Variants in RIPOR2 observed in about 807,000 individuals in gnomAD.
RIPOR2 encodes the protein rho family-interacting cell polarization regulator 2.
In RIPOR2, 39 loss-of-function variants were observed where a neutral mutation model predicts 114.5. The ratio of observed to expected loss-of-function variants is 0.34; its 90% CI spans 0.26 to 0.44. The LOEUF (loss-of-function observed/expected upper bound fraction) is 0.44. RIPOR2 is among the 20% of genes least tolerant of loss of function. RIPOR2 has a pLI of 1.00. For missense variants in RIPOR2, 1,007 were observed against 1,255.1 expected (o/e 0.80, Z 2.99); for synonymous variants, 445 against 484.4 (o/e 0.92, Z 1.07).
intron 15 of RIPOR2, among the ~76,000 whole-genome samples, chr6:24,833,366 T>C (rs963638281): frequency 1.3e-5 from 2 of 152,000 alleles, no homozygotes; most frequent in Non-Finnish European, 2.9e-5. Context: ...CCAGGCGTGG[T>C]GGTGCAGGCC....
intron 13 of RIPOR2, among the ~76,000 whole-genome samples, chr6:24,841,428 A>G (rs1761702393): frequency 6.6e-6 from 1 of 152,116 alleles, no homozygotes. Flanking sequence ...TATGCCATCA[A>G]CTGAACTATC....
chr6:24,999,848 G>A (rs1298788559), intron 1 of RIPOR2, among the ~76,000 whole-genome samples: 3 of 152,196 alleles, frequency 2.0e-5, no homozygotes, highest in Non-Finnish European at 2.9e-5. Flanking sequence ...GAGCTACCGC[G>A]CCCAGCCCTG....
At position 24,840,706 on chromosome 6, in the gene RIPOR2, A is replaced by G. The variant is rs561214134; in HGVS notation, c.1858-1434T>C. On this transcript the variant is annotated intron_variant, in intron 13 of 21. Transcript: ENST00000643898. ...CGGTCTTTTAAATCACAGTTGTCTCATTCACCCTCAGTGATCTCCGTCCAA... is the reference window on the plus strand; with the variant it reads ...CGGTCTTTTAAATCACAGTTGTCTCGTTCACCCTCAGTGATCTCCGTCCAA... 22 of 1,535,272 alleles carry G rather than the reference A, an allele frequency of 1.4e-5. No individual in the cohort carries two copies. The Admixed American group carries it at 2.2e-4, about 15-fold the overall frequency.
chr6:25,041,074 A>G (rs755051184), intron 1 of RIPOR2, among the ~76,000 whole-genome samples: 1 of 152,180 alleles, frequency 6.6e-6, no homozygotes, highest in Non-Finnish European at 1.5e-5. Flanking sequence ...ATTTATCATC[A>G]TGCTTTCACT....
At chr6:24,855,273 A>G (rs1177348555) in intron 8 of RIPOR2, among the ~76,000 whole-genome samples, 1 of 152,182 alleles carries the variant, frequency 6.6e-6, no homozygotes, top group Non-Finnish European at 1.5e-5. Context: ...AAAAGATCAC[A>G]TACCTTGGCA....
intron 1 of RIPOR2, among the ~76,000 whole-genome samples, chr6:24,966,179 G>A (rs1053530140): frequency 1.3e-5 from 2 of 152,156 alleles, no homozygotes; most frequent in African/African-American, 4.8e-5. Flanking sequence ...ATCTGAGCCT[G>A]TCCTCACTTT....
At chr6:24,911,072 G>A in intron 1 of RIPOR2, 1 of 713,068 alleles carries the variant, frequency 1.4e-6, no homozygotes, top group Non-Finnish European at 1.7e-6. Flanking sequence ...TGGCGGGCGC[G>A]AGGGTGGCGG....
At chr6:25,014,020 G>A (rs894892137) in intron 1 of RIPOR2, among the ~76,000 whole-genome samples, 15 of 152,120 alleles carry the variant, frequency 9.9e-5, no homozygotes, top group African/African-American at 3.4e-4. Flanking sequence ...TTGGGTTTTT[G>A]GATGATTCTC....
At chr6:24,819,948 AAG>A (rs1471923199) in intron 19 of RIPOR2, among the ~76,000 whole-genome samples, 1 of 152,126 alleles carries the variant, frequency 6.6e-6, no homozygotes, top group Non-Finnish European at 1.5e-5. Context: ...TGAGGGTGGA[AAG>A]AGAGGACTAA....
chr6:25,031,090 C>T (rs905867225), intron 1 of RIPOR2: 4 of 152,246 alleles, frequency 2.6e-5, no homozygotes, highest in Non-Finnish European at 5.9e-5. Flanking sequence ...TTTTTACCTG[C>T]TCTGTGTTTG....
upstream of RIPOR2, chr6:24,936,120 G>T (rs1318916893): frequency 1.6e-5 from 8 of 492,638 alleles, no homozygotes; most frequent in South Asian, 5.7e-5. Context: ...TGAGGAGAAA[G>T]AATTTTTTGA....
intron 8 of RIPOR2, among the ~76,000 whole-genome samples, chr6:24,854,776 C>T (rs952186194): frequency 1.3e-5 from 2 of 151,920 alleles, no homozygotes; most frequent in African/African-American, 4.8e-5. Context: ...ACCTGTAATC[C>T]CAGCACTTTA....
Position 24,870,866 on chromosome 6 carries a change from C to T in RIPOR2, c.447G>A (p.Lys149=). Residue 149 remains lysine (K), a splice_region_variant and synonymous_variant, in exon 5 of 22, where the codon AAG becomes AAA. Transcript: ENST00000643898. ...SRLGVLYDLD[K]QIKTIERYMR... is the part of the protein sequence containing the mutation. ...ACCCCAACACGGAATGGCAACTTAC[C>T]TTGTCTAGGTCATACAGTACACCCT... 6.2e-7 allele frequency: 1 copy of T among 1,604,512 alleles called. No individual in the cohort carries two copies. The highest frequency in any genetic ancestry group is 1.1e-5 in the South Asian group (1 of 89,896).
intron 1 of RIPOR2, among the ~76,000 whole-genome samples, chr6:24,923,085 T>C (rs978923631): frequency 6.6e-6 from 1 of 152,174 alleles, no homozygotes; most frequent in African/African-American, 2.4e-5. Context: ...ATTGTTTCTA[T>C]AAATTTGATT....
At chr6:24,933,452 CAG>C (rs1237632968) in intron 1 of RIPOR2, among the ~76,000 whole-genome samples, 3 of 152,192 alleles carry the variant, frequency 2.0e-5, no homozygotes, top group Non-Finnish European at 4.4e-5. Context: ...TTACCCCACA[CAG>C]AGCTTGCTTA....
intron 1 of RIPOR2, among the ~76,000 whole-genome samples, chr6:24,887,064 T>C (rs1766903701): frequency 6.6e-6 from 1 of 152,238 alleles, no homozygotes. Context: ...TATAATCCAC[T>C]ACTATAATTT....
At chr6:24,925,445 T>C (rs1002223380) in intron 1 of RIPOR2, among the ~76,000 whole-genome samples, 2 of 152,190 alleles carry the variant, frequency 1.3e-5, no homozygotes, top group African/African-American at 4.8e-5. Flanking sequence ...GGGTCATGCC[T>C]GTAATCCCAG....
intron 1 of RIPOR2, among the ~76,000 whole-genome samples, chr6:24,891,095 C>T (rs1767308450): frequency 1.3e-5 from 2 of 152,178 alleles, no homozygotes; most frequent in Admixed American, 1.3e-4. Context: ...TGCAGAACAA[C>T]CCAGTGTCAA....
intron 2 of RIPOR2, 103 bp downstream of exon 2, chr6:24,875,588 G>T: frequency 9.3e-7 from 1 of 1,078,362 alleles, no homozygotes. Flanking sequence ...GAGGAGGCCG[G>T]GGGGCGGTTT....
Sources: gnomAD v4.1 joint callset for allele counts (sites outside exome capture counted in the v4.1 genomes callset) on GRCh38, gnomAD v4.1.1 for gene constraint, MANE v1.5 for transcripts, NCBI Gene and HGNC (gene_info 2026-07-23, HGNC 2026-07-21) for gene names.